Variants in NOX3 observed in about 807,000 individuals in gnomAD.
The protein encoded by NOX3 is NADPH oxidase catalytic subunit-like 3.
Under a neutral mutation model 76.7 loss-of-function variants are expected in NOX3, and 74 were observed. The ratio of observed to expected loss-of-function variants is 0.96; its 90% confidence interval spans 0.80 to 1.17. The LOEUF (loss-of-function observed/expected upper bound fraction) is 1.17, where lower values mean the gene tolerates loss of function less well. Ranked by LOEUF, NOX3 falls within the 50% of genes most tolerant of loss-of-function variation. The probability of loss-of-function intolerance (pLI) is 0.00; values close to 1 mark genes in which losing one functional copy is unlikely to be tolerated. For synonymous variants in NOX3, 263 were observed against 261.1 expected, an observed-to-expected ratio of 1.01 and a Z score of -0.07; for missense variants, 695 against 703.3, an observed-to-expected ratio of 0.99 and a Z score of 0.13.
rs139673347 is a variant in NOX3, at chr6:155,408,593, G to A, written c.1456-1339C>T. The stretch of plus-strand genomic sequence containing the variant: ...GAAAATAGTGGAAGTGTCCCAACAG[G>A]TCAGGAGACAATGGTAGGTTAGATC... On this transcript the variant is annotated intron_variant, in intron 11 of 13. Transcript: ENST00000159060. Among the ~76,000 whole-genome samples the A allele has an allele frequency of 3.3e-5, 5 of 152,156 alleles. No individual in the cohort carries two copies. In the East Asian group the frequency reaches 7.8e-4, roughly 24 times the overall value.
chr6:155,398,789 C>T (rs576902839), intron 12 of NOX3, among the ~76,000 whole-genome samples: 6 of 152,316 alleles, frequency 3.9e-5, no homozygotes, highest in African/African-American at 1.4e-4. Context: ...CAATTACCTT[C>T]ACAAAGCCCC....
chr6:155,445,869 CATAT>C (rs60572257), intron 4 of NOX3, among the ~76,000 whole-genome samples: 1,440 of 136,372 alleles, frequency 0.011, 23 homozygotes, highest in African/African-American at 0.036. Context: ...CTGACATATA[CATAT>C]ATATATATAT....
chr6:155,402,819 T>C (rs1256668439), intron 12 of NOX3, among the ~76,000 whole-genome samples: 1 of 152,212 alleles, frequency 6.6e-6, no homozygotes, highest in African/African-American at 2.4e-5. Context: ...TGCTGATGAA[T>C]AGAAATGGTT....
At chr6:155,453,568 T>A (rs1777174221) in intron 3 of NOX3, 80 bp from the exon 4 acceptor site, 3 of 1,131,956 alleles carry the variant, frequency 2.7e-6, no homozygotes, top group African/African-American at 3.0e-5. Context: ...AGAGTAGGAA[T>A]CAGGCTCTGC....
At chr6:155,438,299 A>G (rs1387972885) in intron 6 of NOX3, among the ~76,000 whole-genome samples, 1 of 152,174 alleles carries the variant, frequency 6.6e-6, no homozygotes, top group Non-Finnish European at 1.5e-5. Context: ...CATCCCAAGT[A>G]CAAAAAGGAA....
At chr6:155,428,273 G>T (rs966354940) in intron 9 of NOX3, among the ~76,000 whole-genome samples, 1 of 152,234 alleles carries the variant, frequency 6.6e-6, no homozygotes, top group African/African-American at 2.4e-5. Flanking sequence ...CTTAGGATGT[G>T]ACCTTATTTA....
At chr6:155,426,760 G>GCA (rs1417463041) in intron 9 of NOX3, among the ~76,000 whole-genome samples, 2 of 152,174 alleles carry the variant, frequency 1.3e-5, no homozygotes, top group Non-Finnish European at 2.9e-5. Flanking sequence ...AGCTGGCGAT[G>GCA]CACTCCATAG....
At position 155,440,248 on chromosome 6, in the gene NOX3, C is replaced by G; in HGVS notation, c.487-111G>C. On this transcript the variant is annotated intron_variant, in intron 5 of 13. Transcript: ENST00000159060. ...TTTTTAGGACCAGTACTTGAGATTT[C>G]AAGCAGGGAGCCGTTCACAATGTTT... is the stretch of plus-strand genomic sequence containing the variant. 3.7e-6 allele frequency: 3 copies of G among 810,962 alleles called. 1 individual carries two copies. Among genetic ancestry groups the G allele is most frequent in the African/African-American group, 3.5e-5 (2 of 56,772 alleles). 50.2% of individuals were successfully genotyped at this position (810,962 alleles called of 1,614,324 possible). A position where few individuals can be genotyped will look rare whatever the true frequency, so the allele number is the denominator to read the frequency against.
chr6:155,450,383 C>T (rs1280020640), intron 4 of NOX3, among the ~76,000 whole-genome samples: 2 of 152,246 alleles, frequency 1.3e-5, no homozygotes, highest in Non-Finnish European at 2.9e-5. Context: ...CTGCTCATGA[C>T]TCCCTGAACA....
intron 8 of NOX3, among the ~76,000 whole-genome samples, chr6:155,430,474 G>T (rs761460165): frequency 5.9e-5 from 9 of 151,860 alleles, no homozygotes; most frequent in Non-Finnish European, 1.2e-4. Context: ...TTATTTGTTT[G>T]CAAAATTTGT....
chr6:155,433,986 T>A (rs1361065508), intron 7 of NOX3, among the ~76,000 whole-genome samples: 1 of 152,224 alleles, frequency 6.6e-6, no homozygotes, highest in African/African-American at 2.4e-5. Flanking sequence ...CGATGTTGAT[T>A]CAAAAGCAGC....
In NOX3 at chr6:155,428,797, G is replaced by T. The variant is rs966630982; in HGVS notation, c.1142C>A (p.Pro381Gln). 2 of 1,490,330 alleles carry T rather than the reference G, an allele frequency of 1.3e-6. No individual in the cohort carries two copies. The highest frequency in any genetic ancestry group is 1.8e-6 in the Non-Finnish European group (2 of 1,116,102). The allele number at this position is 1,490,330 out of a possible 1,614,324, so 92.3% of individuals were successfully genotyped here. ...GQALQEPWSLPRLAVDGPFGT... is the reference protein window; with the variant it reads ...GQALQEPWSLQRLAVDGPFGT... ...CATGAGAGAAATGGGCACGAACCTT[G>T]GCAGGCTCCAGGGCTCCTGGAGGGC... is the stretch of plus-strand genomic sequence containing the variant. The change falls in exon 9 of 14, where the codon CCA (proline) becomes CAA (glutamine). Residue 381 changes from proline to glutamine, a missense_variant. Pro to Gln is a moderately conservative substitution (Grantham distance 76). Coordinates refer to ENST00000159060, the MANE Select transcript of NOX3 (RefSeq NM_015718.3).
At chr6:155,445,997 A>ATATAATAT in intron 4 of NOX3, among the ~76,000 whole-genome samples, 1 of 65,556 alleles carries the variant, frequency 1.5e-5, no homozygotes, top group South Asian at 4.5e-4. Flanking sequence ...ATATATATAT[A>ATATAATAT]ATATATATAT....
At chr6:155,448,799 G>T (rs1459793512) in intron 4 of NOX3, among the ~76,000 whole-genome samples, 1 of 152,094 alleles carries the variant, frequency 6.6e-6, no homozygotes, top group Non-Finnish European at 1.5e-5. Context: ...CTGTCTTTCT[G>T]CCTGCCTGTC....
chr6:155,428,485 C>T (rs755554680), intron 9 of NOX3, among the ~76,000 whole-genome samples: 7 of 152,052 alleles, frequency 4.6e-5, no homozygotes, highest in African/African-American at 1.4e-4. Flanking sequence ...TTGTCTCACT[C>T]ATTGCAGGCT....
rs1776707884 is a variant in NOX3 at position 155,422,788 on chromosome 6, ACG to A, written c.1212_1213del (p.Val405CysfsTer22). ...GGGAGTGACTCCGATCCCCGCGGCA[ACG>A]CACACACACACTGGGTAGTGAAATA... On this transcript the variant is annotated frameshift_variant, in exon 10 of 14. Transcript: ENST00000159060. LOFTEE classifies it high-confidence loss of function. 6.2e-7 allele frequency: 1 copy of A among 1,614,078 alleles called. No homozygotes were observed. Among genetic ancestry groups the A allele is most frequent in the African/African-American group, 1.3e-5 (1 of 74,938 alleles).
At chr6:155,423,625 T>G (rs1014745680) in intron 9 of NOX3, among the ~76,000 whole-genome samples, 4 of 152,202 alleles carry the variant, frequency 2.6e-5, no homozygotes, top group African/African-American at 7.2e-5. Context: ...TGGTGAGATA[T>G]TAATATTCTT....
At chr6:155,399,739 T>TTTTC (rs1405143441) in intron 12 of NOX3, among the ~76,000 whole-genome samples, 18 of 152,090 alleles carry the variant, frequency 1.2e-4, no homozygotes, top group Admixed American at 1.1e-3. Context: ...CCTTTTTTTT[T>TTTTC]TTTCTTTTAT....
chr6:155,420,638 T>G (rs1776677520), intron 10 of NOX3, among the ~76,000 whole-genome samples: 1 of 152,222 alleles, frequency 6.6e-6, no homozygotes, highest in African/African-American at 2.4e-5. Context: ...TGAGCTATTA[T>G]GAGCATTTAG....
Sources: gnomAD v4.1 joint callset for allele counts (sites outside exome capture counted in the v4.1 genomes callset) on GRCh38, gnomAD v4.1.1 for gene constraint, MANE v1.5 for transcripts, NCBI Gene and HGNC (gene_info 2026-07-23, HGNC 2026-07-21) for gene names.